MSRA: variants seen among roughly 807,000 people sequenced by gnomAD.
MSRA encodes the protein mitochondrial peptide methionine sulfoxide reductase.
A neutral mutation model predicts 31.3 loss-of-function variants in MSRA; 54 were observed. The ratio of observed to expected loss-of-function variants is 1.73; its 90% CI spans 1.39 to 2.17. MSRA has a LOEUF of 2.17. MSRA is among the 30% of genes most tolerant of loss of function. The pLI, the probability that MSRA is intolerant of heterozygous loss-of-function variation, is 0.00. For synonymous variants in MSRA, 169 were observed against 116.5 expected (o/e 1.45, Z -2.90); for missense variants, 507 against 300.9 (o/e 1.69, Z -5.07).
chr8:10,057,597 G>A (rs1248891945), intron 1 of MSRA, among the ~76,000 whole-genome samples: 1 of 152,176 alleles, frequency 6.6e-6, no homozygotes, highest in African/African-American at 2.4e-5. Context: ...ACCTGTTGGA[G>A]GAGGGGCCTG....
intron 1 of MSRA, among the ~76,000 whole-genome samples, chr8:10,069,193 A>G (rs1194220678): frequency 6.6e-6 from 1 of 152,202 alleles, no homozygotes; most frequent in Admixed American, 6.5e-5. Context: ...ATAGACAGTC[A>G]TGTCATCTGT....
intron 1 of MSRA, among the ~76,000 whole-genome samples, chr8:10,201,892 CA>C (rs1808533372): frequency 6.6e-6 from 1 of 152,232 alleles, no homozygotes; most frequent in Non-Finnish European, 1.5e-5. Context: ...CCTCCCAGAG[CA>C]TGTGGCTTTG....
chr8:10,251,997 C>G (rs1307010426), intron 3 of MSRA, among the ~76,000 whole-genome samples: 2 of 152,186 alleles, frequency 1.3e-5, no homozygotes, highest in South Asian at 4.1e-4. Flanking sequence ...TCTGCAGGAG[C>G]TCCAGAGGTA....
intron 1 of MSRA, among the ~76,000 whole-genome samples, chr8:10,151,487 C>CA (rs1446808455): frequency 6.6e-6 from 1 of 151,598 alleles, no homozygotes; most frequent in Non-Finnish European, 1.5e-5. Context: ...ACTAAAAATA[C>CA]AAAAAATAAA....
chr8:10,077,420 TC>T (rs1320853775), intron 1 of MSRA, among the ~76,000 whole-genome samples: 1 of 151,050 alleles, frequency 6.6e-6, no homozygotes, highest in African/African-American at 2.4e-5. Context: ...TTGAAGAAAA[TC>T]TAAATTTTGT....
At chr8:10,157,525 G>A (rs1379074979) in intron 1 of MSRA, among the ~76,000 whole-genome samples, 1 of 152,130 alleles carries the variant, frequency 6.6e-6, no homozygotes, top group Non-Finnish European at 1.5e-5. Context: ...GGGATAGTGG[G>A]AGGTGGCTGG....
chr8:10,196,322 A>G (rs1807983873), intron 1 of MSRA, among the ~76,000 whole-genome samples: 1 of 152,106 alleles, frequency 6.6e-6, no homozygotes, highest in Admixed American at 6.5e-5. Context: ...TGGGCTCCAG[A>G]GTGACAGTAT....
At chr8:10,319,613 C>G (rs1801927174) in intron 4 of MSRA, among the ~76,000 whole-genome samples, 1 of 151,340 alleles carries the variant, frequency 6.6e-6, no homozygotes, top group Non-Finnish European at 1.5e-5. Flanking sequence ...AGTATGTATT[C>G]ATAGAACATC....
intron 2 of MSRA, among the ~76,000 whole-genome samples, chr8:10,219,844 C>A (rs1021424106): frequency 3.2e-4 from 45 of 140,194 alleles, no homozygotes; most frequent in African/African-American, 1.2e-3. Flanking sequence ...TTGTTAGGTC[C>A]AGTACAATGT....
chr8:10,213,507 G>A (rs888318592), intron 2 of MSRA, among the ~76,000 whole-genome samples: 10 of 147,498 alleles, frequency 6.8e-5, no homozygotes, highest in African/African-American at 2.3e-4. Context: ...CGCGACCTCG[G>A]CTCACTGCAA....
chr8:10,404,836 C>T (rs375088871), intron 5 of MSRA, among the ~76,000 whole-genome samples: 8 of 152,156 alleles, frequency 5.3e-5, no homozygotes, highest in African/African-American at 1.4e-4. Flanking sequence ...ATGGATGTGG[C>T]GTGTCCCACT....
chr8:10,315,841 A>G (rs1467619094), intron 4 of MSRA, among the ~76,000 whole-genome samples: 1 of 152,244 alleles, frequency 6.6e-6, no homozygotes, highest in African/African-American at 2.4e-5. Flanking sequence ...GTCCCAAAAG[A>G]CATTCTAGGA....
At chr8:10,306,358 T>C (rs1226302126) in intron 4 of MSRA, among the ~76,000 whole-genome samples, 1 of 152,234 alleles carries the variant, frequency 6.6e-6, no homozygotes, top group Non-Finnish European at 1.5e-5. Context: ...CCAGGTATTG[T>C]TGTTACGTCT....
intron 1 of MSRA, among the ~76,000 whole-genome samples, chr8:10,092,276 A>G (rs1291224459): frequency 6.6e-6 from 1 of 152,120 alleles, no homozygotes; most frequent in Admixed American, 6.5e-5. Flanking sequence ...GTTGGAAAAC[A>G]CACTTTGACT....
chr8:10,198,007 C>T (rs1808146287), intron 1 of MSRA, among the ~76,000 whole-genome samples: 1 of 152,140 alleles, frequency 6.6e-6, no homozygotes, highest in South Asian at 2.1e-4. Context: ...CTCTTTCCTG[C>T]TCAAAGAAAA....
At chr8:10,415,246 G>A (rs1808387139) in intron 5 of MSRA, among the ~76,000 whole-genome samples, 1 of 152,208 alleles carries the variant, frequency 6.6e-6, no homozygotes, top group Admixed American at 6.5e-5. Flanking sequence ...GAGAAGGAAG[G>A]ACCCATTCCC....
At chr8:10,305,057 A>C (rs1801052476) in intron 4 of MSRA, among the ~76,000 whole-genome samples, 1 of 152,236 alleles carries the variant, frequency 6.6e-6, no homozygotes, top group South Asian at 2.1e-4. Context: ...GTGACTCAAG[A>C]GAAATGTATT....
chr8:10,278,377 C>G (rs984841105), intron 3 of MSRA, among the ~76,000 whole-genome samples: 10 of 152,250 alleles, frequency 6.6e-5, no homozygotes, highest in Admixed American at 2.6e-4. Context: ...TGTACCGTGG[C>G]TCGCACATGC....
At chr8:10,251,428 C>G (rs900119173) in intron 3 of MSRA, among the ~76,000 whole-genome samples, 9 of 152,118 alleles carry the variant, frequency 5.9e-5, no homozygotes, top group Non-Finnish European at 1.5e-5. Context: ...ATTTCAATGT[C>G]AGTCAAGGTA....
Sources: allele counts gnomAD v4.1 joint callset (sites outside exome capture counted in the v4.1 genomes callset), GRCh38; gene constraint gnomAD v4.1.1; transcripts MANE v1.5; gene names NCBI Gene and HGNC (gene_info 2026-07-23, HGNC 2026-07-21).